Variants in FAM81A observed in about 807,000 individuals in gnomAD.
The protein encoded by FAM81A is protein FAM81A.
In FAM81A, 19 loss-of-function variants were observed where a neutral mutation model predicts 46.7. The observed-to-expected ratio is 0.41, with a 90% CI of 0.28 to 0.60. The LOEUF is 0.60. Among genes scored for constraint, FAM81A ranks in the 20% least tolerant of loss-of-function variants. The pLI is 0.34. For missense variants in FAM81A, 377 were observed against 453.5 expected, an observed-to-expected ratio of 0.83 and a Z score of 1.53; for synonymous variants, 183 against 152.9, an observed-to-expected ratio of 1.20 and a Z score of -1.45.
At chr15:59,422,676 C>T (rs1338997949) in intron 2 of FAM81A, among the ~76,000 whole-genome samples, 1 of 152,080 alleles carries the variant, frequency 6.6e-6, no homozygotes, top group Admixed American at 6.5e-5. Flanking sequence ...CGGGGTTTCA[C>T]TGTGTTAACC....
intron 3 of FAM81A, among the ~76,000 whole-genome samples, chr15:59,471,096 T>G (rs1342024251): frequency 6.6e-6 from 1 of 152,094 alleles, no homozygotes; most frequent in Non-Finnish European, 1.5e-5. Context: ...ATTACAGACA[T>G]GAGTCACCAC....
At chr15:59,514,084 G>T (rs1195461917) in intron 6 of FAM81A, among the ~76,000 whole-genome samples, 1 of 152,016 alleles carries the variant, frequency 6.6e-6, no homozygotes, top group African/African-American at 2.4e-5. Context: ...GGGCATGGGG[G>T]GGGCAAGGGA....
rs997662523 is a variant in FAM81A at position 59,458,758 on chromosome 15, G to A, written c.20+112G>A. 72 of 1,058,060 alleles carry A rather than the reference G, an allele frequency of 6.8e-5. 1 individual carries two copies. In the South Asian group the frequency reaches 7.9e-4, roughly 12 times the overall value. The allele number at this position is 1,058,060 out of a possible 1,614,324, so 65.5% of individuals were successfully genotyped here. ...AGAATGGTTTTGTTCAAGGGCAAGA[G>A]AAACACTATTGTGTCCTCTAGCTTT... On this transcript the variant is annotated intron_variant, in intron 2 of 8. Coordinates refer to ENST00000288228, the MANE Select transcript of FAM81A (RefSeq NM_152450.3).
chr15:59,499,286 T>C (rs2082066087), intron 4 of FAM81A, among the ~76,000 whole-genome samples: 1 of 152,196 alleles, frequency 6.6e-6, no homozygotes, highest in Non-Finnish European at 1.5e-5. Context: ...CTGTTGTCAT[T>C]TCCTTACCCC....
At chr15:59,470,436 C>T (rs2081671558) in intron 3 of FAM81A, among the ~76,000 whole-genome samples, 1 of 152,098 alleles carries the variant, frequency 6.6e-6, no homozygotes, top group Non-Finnish European at 1.5e-5. Flanking sequence ...TTGTCTTCTT[C>T]CTTTATTTCA....
At chr15:59,450,312 G>A (rs1038277604) in intron 1 of FAM81A, among the ~76,000 whole-genome samples, 12 of 151,758 alleles carry the variant, frequency 7.9e-5, no homozygotes, top group African/African-American at 2.2e-4. Flanking sequence ...CCTAATGATG[G>A]GCGTTCATTC....
intron 6 of FAM81A, among the ~76,000 whole-genome samples, chr15:59,513,912 T>C (rs917918319): frequency 1.3e-5 from 2 of 152,196 alleles, no homozygotes; most frequent in South Asian, 4.1e-4. Flanking sequence ...AGGAATGAGA[T>C]CATGCCCTTT....
chr15:59,449,759 G>T (rs2081394950), intron 1 of FAM81A, among the ~76,000 whole-genome samples: 1 of 127,474 alleles, frequency 7.8e-6, no homozygotes, highest in South Asian at 2.5e-4. Flanking sequence ...TCCAGCCTGG[G>T]CGACAGAGCG....
At chr15:59,441,346 A>G (rs747871920) in intron 1 of FAM81A, among the ~76,000 whole-genome samples, 4 of 152,214 alleles carry the variant, frequency 2.6e-5, no homozygotes, top group Non-Finnish European at 5.9e-5. Flanking sequence ...TTATATCTGC[A>G]CTGTTCCGTA....
At chr15:59,426,789 C>T (rs1229593940) in intron 2 of FAM81A, among the ~76,000 whole-genome samples, 2 of 152,182 alleles carry the variant, frequency 1.3e-5, no homozygotes, top group South Asian at 4.1e-4. Flanking sequence ...ACATACACTT[C>T]CCCCCTAAGC....
At chr15:59,468,455 G>T (rs1217116829) in intron 3 of FAM81A, among the ~76,000 whole-genome samples, 1 of 152,102 alleles carries the variant, frequency 6.6e-6, no homozygotes, top group African/African-American at 2.4e-5. Context: ...GTGTGTCCAG[G>T]AATTTATCCA....
chr15:59,502,021 A>C (rs1289974002), intron 4 of FAM81A, among the ~76,000 whole-genome samples: 1 of 151,856 alleles, frequency 6.6e-6, no homozygotes, highest in Non-Finnish European at 1.5e-5. Context: ...ATTTTGAAAT[A>C]ATTTTAAATT....
chr15:59,462,955 T>C (rs1397647015), intron 3 of FAM81A, among the ~76,000 whole-genome samples: 1 of 152,250 alleles, frequency 6.6e-6, no homozygotes, highest in Non-Finnish European at 1.5e-5. Context: ...TTTCTCCCAC[T>C]CTGTGGCTTA....
At chr15:59,409,441 T>C (rs12591639) in intron 2 of FAM81A, among the ~76,000 whole-genome samples, 52,220 of 152,034 alleles carry the variant, frequency 0.34, 9,629 homozygotes, top group East Asian at 0.54. Flanking sequence ...CATGACCATG[T>C]GGTTCATTCC....
At chr15:59,456,190 G>A (rs2081481266) in intron 1 of FAM81A, among the ~76,000 whole-genome samples, 1 of 152,150 alleles carries the variant, frequency 6.6e-6, no homozygotes, top group South Asian at 2.1e-4. Context: ...TTCTAGGCTG[G>A]CAGGGGTGGG....
upstream of FAM81A, among the ~76,000 whole-genome samples, chr15:59,433,564 A>G (rs150789351): frequency 3.2e-4 from 49 of 152,374 alleles, 2 homozygotes; most frequent in African/African-American, 1.0e-3. Flanking sequence ...GAGCCTATAC[A>G]TGAAGAAAAA....
intron 3 of FAM81A, among the ~76,000 whole-genome samples, chr15:59,481,054 G>A (rs1201103415): frequency 1.3e-5 from 2 of 152,112 alleles, no homozygotes; most frequent in Non-Finnish European, 2.9e-5. Flanking sequence ...GAGTGCAGTT[G>A]TGGGAACATG....
chr15:59,519,853 A>G (rs970975938), intron 8 of FAM81A, among the ~76,000 whole-genome samples: 1 of 152,170 alleles, frequency 6.6e-6, no homozygotes, highest in African/African-American at 2.4e-5. Context: ...GCTATTGTAA[A>G]TAATGGTGCA....
At chr15:59,521,155 A>G in intron 8 of FAM81A, 99 bp from the exon 9 acceptor site, 2 of 1,339,152 alleles carry the variant, frequency 1.5e-6, no homozygotes, top group Non-Finnish European at 2.0e-6. Context: ...GCATCTATTA[A>G]TAATTTTTGC....
Sources: allele counts gnomAD v4.1 joint callset (sites outside exome capture counted in the v4.1 genomes callset), GRCh38; gene constraint gnomAD v4.1.1; transcripts MANE v1.5; gene names NCBI Gene and HGNC (gene_info 2026-07-23, HGNC 2026-07-21).